The following SMYD3 variants were observed in gnomAD, a reference collection of about 807,000 sequenced individuals.
SMYD3 encodes histone-lysine N-methyltransferase SMYD3.
Under a neutral mutation model 57.7 loss-of-function variants are expected in SMYD3, and 36 were observed. That is an observed-to-expected ratio of 0.62 (90% CI 0.48 to 0.82). The LOEUF is 0.82. SMYD3 is among the 40% of genes least tolerant of loss of function. The pLI is 0.00. For synonymous variants in SMYD3, 211 were observed against 195.0 expected (o/e 1.08, Z -0.68); for missense variants, 515 against 538.8 (o/e 0.96, Z 0.44).
At chr1:245,751,456 T>C (rs2148001428) in intron 11 of SMYD3, among the ~76,000 whole-genome samples, 1 of 152,160 alleles carries the variant, frequency 6.6e-6, no homozygotes, top group South Asian at 2.1e-4. Context: ...TTTTTTCACC[T>C]CTTGAATGTT....
At chr1:246,071,233 G>C (rs10924484) in intron 5 of SMYD3, among the ~76,000 whole-genome samples, 2,966 of 152,156 alleles carry the variant, frequency 0.019, 141 homozygotes, top group East Asian at 0.16. Context: ...ACAATTTTTT[G>C]TGTGTGTCTG....
chr1:246,411,840 G>GGGGC (rs1553343523), intron 1 of SMYD3, among the ~76,000 whole-genome samples: 1 of 120,534 alleles, frequency 8.3e-6, no homozygotes. Context: ...TTGGGGGAGG[G>GGGGC]GGGAGGGATA....
chr1:246,200,809 C>A (rs1244755656), intron 5 of SMYD3, among the ~76,000 whole-genome samples: 1 of 152,130 alleles, frequency 6.6e-6, no homozygotes, highest in African/African-American at 2.4e-5. Context: ...CTTTCTAGAG[C>A]CGAAAATGAA....
At chr1:246,261,940 T>C (rs1353089557) in intron 5 of SMYD3, among the ~76,000 whole-genome samples, 5 of 152,216 alleles carry the variant, frequency 3.3e-5, no homozygotes, top group Non-Finnish European at 7.3e-5. Context: ...ATATTGTGTA[T>C]AGAAGTAAGT....
chr1:246,256,469 TA>T (rs2063896673), intron 5 of SMYD3, among the ~76,000 whole-genome samples: 1 of 152,226 alleles, frequency 6.6e-6, no homozygotes, highest in African/African-American at 2.4e-5. Flanking sequence ...TTTGTGTGCA[TA>T]GAGGTGTTCA....
intron 5 of SMYD3, among the ~76,000 whole-genome samples, chr1:246,065,030 C>T (rs10924481): frequency 0.02 from 3,036 of 152,214 alleles, 142 homozygotes; most frequent in East Asian, 0.16. Context: ...TGGTTTTTTC[C>T]AAAGCTGAAA....
intron 9 of SMYD3, among the ~76,000 whole-genome samples, chr1:245,863,506 C>T (rs1282143662): frequency 1.3e-5 from 2 of 152,196 alleles, no homozygotes; most frequent in South Asian, 2.1e-4. Context: ...GAATTTGTTA[C>T]CTTTTACATA....
intron 5 of SMYD3, among the ~76,000 whole-genome samples, chr1:246,072,168 C>G (rs1292323863): frequency 7.1e-5 from 9 of 126,820 alleles, no homozygotes; most frequent in Admixed American, 1.6e-4. Context: ...TGCTCACTGT[C>G]TTTGCATCCT....
intron 10 of SMYD3, among the ~76,000 whole-genome samples, chr1:245,794,699 T>TA (rs1449542568): frequency 1.4e-4 from 22 of 152,350 alleles, no homozygotes; most frequent in African/African-American, 5.3e-4. Flanking sequence ...TGCATAATTT[T>TA]AAAAAATGTC....
chr1:246,161,806 C>T (rs1345785091), intron 5 of SMYD3, among the ~76,000 whole-genome samples: 1 of 152,166 alleles, frequency 6.6e-6, no homozygotes, highest in African/African-American at 2.4e-5. Context: ...GAATGCACAG[C>T]TCTGACTTAT....
chr1:246,164,153 C>T (rs1358392885), intron 5 of SMYD3, among the ~76,000 whole-genome samples: 5 of 152,076 alleles, frequency 3.3e-5, no homozygotes, highest in African/African-American at 9.7e-5. Flanking sequence ...TGAGAGAAAA[C>T]GAGCTATATA....
chr1:246,245,389 G>A (rs574328472), intron 5 of SMYD3, among the ~76,000 whole-genome samples: 1 of 151,888 alleles, frequency 6.6e-6, no homozygotes, highest in African/African-American at 2.4e-5. Context: ...GCTGCAGTCA[G>A]CCAAGATCGT....
chr1:245,949,451 A>C (rs1294023561), intron 5 of SMYD3, among the ~76,000 whole-genome samples: 1 of 152,182 alleles, frequency 6.6e-6, no homozygotes, highest in Non-Finnish European at 1.5e-5. Flanking sequence ...ATACAGCCAA[A>C]AAAGAAAAAG....
chr1:245,817,024 T>C, intron 10 of SMYD3, among the ~76,000 whole-genome samples: 1 of 151,310 alleles, frequency 6.6e-6, no homozygotes, highest in Non-Finnish European at 1.5e-5. Flanking sequence ...GCCGGGAAGC[T>C]CGAACTGGGT....
intron 5 of SMYD3, among the ~76,000 whole-genome samples, chr1:246,105,143 G>A (rs998951160): frequency 6.6e-6 from 1 of 152,118 alleles, no homozygotes; most frequent in African/African-American, 2.4e-5. Flanking sequence ...TCACCCGATG[G>A]GGGATGAGGA....
chr1:246,041,818 GAA>G (rs755343940), intron 5 of SMYD3, among the ~76,000 whole-genome samples: 50 of 142,934 alleles, frequency 3.5e-4, no homozygotes, highest in African/African-American at 1.2e-3. Flanking sequence ...TCTTTATTGG[GAA>G]AAAAAAAAAG....
chr1:245,970,094 G>A (rs1458648751), intron 5 of SMYD3, among the ~76,000 whole-genome samples: 1 of 152,204 alleles, frequency 6.6e-6, no homozygotes, highest in Non-Finnish European at 1.5e-5. Flanking sequence ...AAACAGCATG[G>A]TACTGGTACC....
intron 5 of SMYD3, among the ~76,000 whole-genome samples, chr1:246,160,808 T>C (rs1044593018): frequency 7.2e-5 from 11 of 152,162 alleles, no homozygotes; most frequent in East Asian, 3.9e-4. Flanking sequence ...TGGGTAAGCA[T>C]TGGGGAAATA....
chr1:245,835,785 C>T (rs761813922), intron 10 of SMYD3, among the ~76,000 whole-genome samples: 6 of 152,156 alleles, frequency 3.9e-5, no homozygotes, highest in Non-Finnish European at 8.8e-5. Flanking sequence ...GTATCAGCGC[C>T]CTGATGCAAG....
Sources: allele counts gnomAD v4.1 joint callset (sites outside exome capture counted in the v4.1 genomes callset), GRCh38; gene constraint gnomAD v4.1.1; transcripts MANE v1.5; gene names NCBI Gene and HGNC (gene_info 2026-07-23, HGNC 2026-07-21).